SULF1: variants seen among roughly 807,000 people sequenced by gnomAD.
The protein encoded by SULF1 is sulfatase 1.
Under a neutral mutation model 110.5 loss-of-function variants are expected in SULF1, and 46 were observed. That is an observed-to-expected ratio of 0.42 (90% confidence interval 0.33 to 0.53). The LOEUF (loss-of-function observed/expected upper bound fraction) is 0.53, where lower values mean the gene tolerates loss of function less well. Ranked by LOEUF, SULF1 falls within the 20% of genes least tolerant of loss-of-function variation. SULF1 has a pLI of 0.12. For missense variants in SULF1, 941 were observed against 1,094.2 expected, an observed-to-expected ratio of 0.86 and a Z score of 1.98; for synonymous variants, 371 against 387.1, an observed-to-expected ratio of 0.96 and a Z score of 0.49.
intron 5 of SULF1, among the ~76,000 whole-genome samples, chr8:69,566,720 A>G (rs949159952): frequency 6.6e-6 from 1 of 152,100 alleles, no homozygotes; most frequent in Non-Finnish European, 1.5e-5. Context: ...GCATGGTGGC[A>G]GGCACCTGTA....
intron 3 of SULF1, among the ~76,000 whole-genome samples, chr8:69,555,383 C>A (rs745835066): frequency 6.6e-6 from 1 of 152,162 alleles, no homozygotes; most frequent in African/African-American, 2.4e-5. Flanking sequence ...GTGGGCTGGG[C>A]GTGGTGGCTC....
chr8:69,527,638 C>G (rs1372854420), intron 3 of SULF1, among the ~76,000 whole-genome samples: 2 of 152,134 alleles, frequency 1.3e-5, no homozygotes, highest in Non-Finnish European at 2.9e-5. Flanking sequence ...TATTTCTGCA[C>G]AGGTTCCTAA....
chr8:69,518,154 T>C (rs1402178021), intron 3 of SULF1, among the ~76,000 whole-genome samples: 1 of 152,254 alleles, frequency 6.6e-6, no homozygotes, highest in African/African-American at 2.4e-5. Flanking sequence ...TATGTCAGAC[T>C]AGTTGATATT....
At chr8:69,534,607 T>C (rs747900254) in intron 3 of SULF1, among the ~76,000 whole-genome samples, 5 of 152,158 alleles carry the variant, frequency 3.3e-5, no homozygotes, top group Non-Finnish European at 7.4e-5. Context: ...ACACTTAACA[T>C]TGGTGAAGTA....
chr8:69,640,897 C>T, intron 22 of SULF1, 56 bp downstream of exon 22: 1 of 1,549,886 alleles, frequency 6.5e-7, no homozygotes, highest in South Asian at 1.2e-5. Context: ...TTGCATGATC[C>T]AGTGGTTTCA....
intron 14 of SULF1, among the ~76,000 whole-genome samples, chr8:69,623,100 A>G (rs1412103750): frequency 2.0e-5 from 3 of 152,190 alleles, no homozygotes; most frequent in Admixed American, 2.0e-4. Context: ...AAAAGGTTCC[A>G]TAGTCACCAG....
chr8:69,546,826 A>G (rs2150682218), intron 3 of SULF1, among the ~76,000 whole-genome samples: 1 of 152,306 alleles, frequency 6.6e-6, no homozygotes, highest in South Asian at 2.1e-4. Flanking sequence ...TTAACTCACT[A>G]TATTCTCATT....
At chr8:69,587,572 T>C (rs1054378028) in intron 7 of SULF1, among the ~76,000 whole-genome samples, 13 of 152,220 alleles carry the variant, frequency 8.5e-5, no homozygotes, top group African/African-American at 3.1e-4. Flanking sequence ...ATTTGAGCAA[T>C]GTCCTCATTT....
At chr8:69,522,704 T>C (rs1226816001) in intron 3 of SULF1, among the ~76,000 whole-genome samples, 1 of 151,902 alleles carries the variant, frequency 6.6e-6, no homozygotes, top group Non-Finnish European at 1.5e-5. Flanking sequence ...TGAAGACAAA[T>C]GGGTGGAGGA....
At chr8:69,592,819 A>G in intron 8 of SULF1, 1 of 647,582 alleles carries the variant, frequency 1.5e-6, no homozygotes, top group Non-Finnish European at 1.9e-6. Context: ...AAGCAGTGAG[A>G]GAAATGACAA....
chr8:69,474,557 C>CGAGA (rs1809224370), intron 1 of SULF1, among the ~76,000 whole-genome samples: 1 of 152,088 alleles, frequency 6.6e-6, no homozygotes, highest in Non-Finnish European at 1.5e-5. Context: ...ATCATGTTCT[C>CGAGA]TTTTTTTCTT....
At chr8:69,608,742 G>A (rs1808417485) in intron 13 of SULF1, among the ~76,000 whole-genome samples, 1 of 152,026 alleles carries the variant, frequency 6.6e-6, no homozygotes, top group Non-Finnish European at 1.5e-5. Flanking sequence ...CAGAGACTTG[G>A]CATCACTTCT....
intron 22 of SULF1, among the ~76,000 whole-genome samples, chr8:69,658,176 C>A (rs1197793334): frequency 1.3e-5 from 2 of 152,316 alleles, no homozygotes; most frequent in East Asian, 1.9e-4. Flanking sequence ...GAGGGACTCA[C>A]TCACATGCTC....
At chr8:69,650,247 A>G (rs1812228395) in intron 22 of SULF1, among the ~76,000 whole-genome samples, 1 of 151,480 alleles carries the variant, frequency 6.6e-6, no homozygotes, top group Non-Finnish European at 1.5e-5. Flanking sequence ...CGATTCTCCC[A>G]TCTCTCAACC....
intron 22 of SULF1, among the ~76,000 whole-genome samples, chr8:69,654,225 T>C (rs983054553): frequency 6.6e-6 from 1 of 152,216 alleles, no homozygotes; most frequent in Admixed American, 6.5e-5. Flanking sequence ...CAGCCTCAGT[T>C]ACTATTCCTC....
Position 69,589,045 on chromosome 8 carries a change from G to C in SULF1, c.638G>C (p.Arg213Thr). 1 of 1,614,152 alleles carries C rather than the reference G, an allele frequency of 6.2e-7. No homozygotes were observed. The highest frequency in any genetic ancestry group is 8.5e-7 in the Non-Finnish European group (1 of 1,179,992). ...ATGTCTAAGAGAATGTATCCCCATA[G>C]GCCCGTTATGATGGTGATCAGCCAC... is the stretch of plus-strand genomic sequence containing the variant. ...FKMSKRMYPH[R>T]PVMMVISHAA... Residue 213 changes from arginine (R) to threonine (T), a missense_variant, in exon 8 of 23, where the codon AGG (arginine) becomes ACG (threonine). Coordinates refer to ENST00000402687, the MANE Select transcript of SULF1 (RefSeq NM_001128205.2).
At position 69,499,538 on chromosome 8, in the gene SULF1, C is replaced by A. The variant is rs527464994; in HGVS notation, c.-228-2336C>A. Among the ~76,000 whole-genome samples, 30 of 152,302 alleles carry A rather than the reference C, an allele frequency of 2.0e-4. No individual in the cohort carries two copies. The East Asian group carries it at 5.4e-3, about 27-fold the overall frequency. On this transcript the variant is annotated intron_variant, in intron 2 of 22. Coordinates refer to ENST00000402687, the MANE Select transcript of SULF1 (RefSeq NM_001128205.2). ...AGAAGAAAGGATCCAGGCAATCAGT[C>A]CTCTGGGGTGGAGATTTTGGAGCTG... is the stretch of plus-strand genomic sequence containing the variant.
upstream of SULF1, among the ~76,000 whole-genome samples, chr8:69,492,089 A>G (rs1004739626): frequency 2.0e-5 from 3 of 152,122 alleles, no homozygotes; most frequent in African/African-American, 7.2e-5. Context: ...ATTAGTGTGG[A>G]GACAGAAATT....
intron 1 of SULF1, among the ~76,000 whole-genome samples, chr8:69,487,698 C>G (rs916151389): frequency 6.6e-6 from 1 of 152,284 alleles, no homozygotes; most frequent in South Asian, 2.1e-4. Flanking sequence ...GAGGTGGCTA[C>G]AGCACAGCCT....
Sources: gnomAD v4.1 joint callset for allele counts (sites outside exome capture counted in the v4.1 genomes callset) on GRCh38, gnomAD v4.1.1 for gene constraint, MANE v1.5 for transcripts, NCBI Gene and HGNC (gene_info 2026-07-23, HGNC 2026-07-21) for gene names.